Variants in APP observed in about 807,000 individuals in gnomAD.
APP encodes amyloid beta precursor protein.
In APP, 31 loss-of-function variants were observed where a neutral mutation model predicts 101.4. The observed-to-expected ratio is 0.31, with a 90% CI of 0.23 to 0.41. The LOEUF (loss-of-function observed/expected upper bound fraction) is 0.41, where lower values mean the gene tolerates loss of function less well. APP is among the 10% of genes least tolerant of loss of function. The pLI, the probability that APP is intolerant of heterozygous loss-of-function variation, is 1.00. For missense variants in APP, 839 were observed against 1,003.7 expected (o/e 0.84, Z 2.22); for synonymous variants, 366 against 364.4 (o/e 1.00, Z -0.05).
At chr21:26,002,795 G>T (rs947765499) in intron 6 of APP, among the ~76,000 whole-genome samples, 3 of 125,822 alleles carry the variant, frequency 2.4e-5, no homozygotes, top group Admixed American at 9.6e-5. Context: ...TCATCTTAGA[G>T]TACCAAATAT....
chr21:26,060,523 C>T (rs760041141), intron 3 of APP, among the ~76,000 whole-genome samples: 5 of 152,010 alleles, frequency 3.3e-5, no homozygotes, highest in African/African-American at 1.2e-4. Flanking sequence ...ACAGATAAAA[C>T]GATATATGAT....
chr21:26,012,410 T>G (rs2043848715), intron 6 of APP, among the ~76,000 whole-genome samples: 1 of 152,204 alleles, frequency 6.6e-6, no homozygotes, highest in Non-Finnish European at 1.5e-5. Context: ...TGAGATTCAT[T>G]CATTCTTGCC....
At chr21:26,016,092 G>A (rs752997192) in intron 6 of APP, among the ~76,000 whole-genome samples, 7 of 151,538 alleles carry the variant, frequency 4.6e-5, no homozygotes, top group Non-Finnish European at 7.4e-5. Flanking sequence ...GTGCAGTGGC[G>A]CAATCTCAGC....
intron 13 of APP, among the ~76,000 whole-genome samples, chr21:25,918,722 A>G (rs1234440482): frequency 6.6e-6 from 1 of 151,448 alleles, no homozygotes; most frequent in Non-Finnish European, 1.5e-5. Context: ...CCTGGCTCGG[A>G]GGGTCCTACG....
chr21:26,051,216 A>G (rs1164792012), intron 4 of APP, 23 bp from the exon 5 acceptor site: 1 of 1,596,676 alleles, frequency 6.3e-7, no homozygotes, highest in Non-Finnish European at 8.6e-7. Flanking sequence ...AGGAGAAAAC[A>G]GTGAGTGGTA....
intron 1 of APP, among the ~76,000 whole-genome samples, chr21:26,166,924 G>C (rs1355031977): frequency 1.8e-5 from 2 of 113,670 alleles, no homozygotes; most frequent in African/African-American, 9.0e-5. Flanking sequence ...GAAAGAGACA[G>C]AGGGTGTGTG....
chr21:26,139,051 G>C (rs1420430856), intron 1 of APP, among the ~76,000 whole-genome samples: 1 of 152,144 alleles, frequency 6.6e-6, no homozygotes, highest in African/African-American at 2.4e-5. Context: ...ATTTTAGGTA[G>C]AGTCTGTATT....
At chr21:26,162,636 T>A (rs1569050116) in intron 1 of APP, among the ~76,000 whole-genome samples, 1 of 151,520 alleles carries the variant, frequency 6.6e-6, no homozygotes, top group Non-Finnish European at 1.5e-5. Context: ...CTCCAGGGGG[T>A]CAAAATATAT....
intron 5 of APP, among the ~76,000 whole-genome samples, chr21:26,037,977 T>C (rs774072296): frequency 1.3e-5 from 2 of 152,168 alleles, no homozygotes; most frequent in Non-Finnish European, 2.9e-5. Flanking sequence ...AAAAATATAA[T>C]TTAAATATAA....
intron 2 of APP, among the ~76,000 whole-genome samples, chr21:26,106,463 G>C (rs1345147719): frequency 6.6e-5 from 10 of 152,132 alleles, no homozygotes; most frequent in Admixed American, 6.5e-4. Flanking sequence ...CAGAAAAGGA[G>C]ATGTTCCCTC....
At chr21:25,973,942 T>TAAA (rs1568789777) in intron 11 of APP, among the ~76,000 whole-genome samples, 19 of 73,656 alleles carry the variant, frequency 2.6e-4, no homozygotes, top group African/African-American at 2.3e-3. Context: ...TCCATCTCAT[T>TAAA]TAAAAAAAAA....
intron 1 of APP, among the ~76,000 whole-genome samples, chr21:26,148,572 T>C (rs188028550): frequency 6.6e-4 from 101 of 152,316 alleles, no homozygotes; most frequent in Admixed American, 2.7e-3. Flanking sequence ...AAAAATGTTA[T>C]CAATGAAATG....
chr21:25,981,387 T>C (rs945178991), intron 9 of APP, among the ~76,000 whole-genome samples: 1 of 152,238 alleles, frequency 6.6e-6, no homozygotes, highest in African/African-American at 2.4e-5. Context: ...TACTTTAACC[T>C]GAGATCTTTA....
intron 2 of APP, among the ~76,000 whole-genome samples, chr21:26,094,705 G>A (rs1039436102): frequency 5.3e-5 from 8 of 150,952 alleles, no homozygotes; most frequent in Non-Finnish European, 7.4e-5. Context: ...AAATGTTCTC[G>A]TGGCTAGATT....
chr21:25,888,320 C>T lies in APP; in HGVS notation c.2211+3402G>A, dbSNP rs140929631. Among the ~76,000 whole-genome samples the T allele has an allele frequency of 1.2e-4, 19 of 152,228 alleles. 1 individual carries two copies. The highest frequency in any genetic ancestry group is 4.3e-4 in the African/African-American group (18 of 41,508). ...CTGGAATGCTAAGAAAAATGGTGCT[C>T]TGAAAGCCCACCGTGCTCTCTCACC... is the stretch of plus-strand genomic sequence containing the variant. On this transcript the variant is annotated intron_variant, in intron 17 of 17. Transcript: ENST00000346798.
At chr21:26,140,404 A>T in intron 1 of APP, 1 of 1,413,234 alleles carries the variant, frequency 7.1e-7, no homozygotes, top group Non-Finnish European at 9.3e-7. Flanking sequence ...CGTGGATCAC[A>T]CGCACACTGC....
intron 2 of APP, among the ~76,000 whole-genome samples, chr21:26,111,087 T>TAAAAAAAA (rs576900084): frequency 1.7e-4 from 15 of 88,446 alleles, no homozygotes; most frequent in African/African-American, 4.4e-4. Context: ...AAAGTTAAGT[T>TAAAAAAAA]AAAAAAAAAA....
intron 5 of APP, among the ~76,000 whole-genome samples, chr21:26,040,529 G>C (rs948556835): frequency 6.6e-6 from 1 of 151,738 alleles, no homozygotes; most frequent in Non-Finnish European, 1.5e-5. Context: ...TTGAACCTGG[G>C]AGGCAGAGGT....
intron 5 of APP, among the ~76,000 whole-genome samples, chr21:26,045,983 T>C (rs2045592194): frequency 6.6e-6 from 1 of 151,834 alleles, no homozygotes; most frequent in Admixed American, 6.6e-5. Context: ...CTTACATGTA[T>C]GGCAGCAGGC....
Sources: allele counts gnomAD v4.1 joint callset (sites outside exome capture counted in the v4.1 genomes callset), GRCh38; gene constraint gnomAD v4.1.1; transcripts MANE v1.5; gene names NCBI Gene and HGNC (gene_info 2026-07-23, HGNC 2026-07-21).